GAREM1: variants seen among roughly 807,000 people sequenced by gnomAD.
GAREM1 encodes the protein GRB2-associated and regulator of MAPK protein 1.
A neutral mutation model predicts 71.3 loss-of-function variants in GAREM1; 26 were observed. That is an observed-to-expected ratio of 0.36 (90% CI 0.27 to 0.51). GAREM1 has a LOEUF of 0.51. Ranked by LOEUF, GAREM1 falls within the 20% of genes least tolerant of loss-of-function variation. The pLI is 0.95. For synonymous variants in GAREM1, 440 were observed against 433.2 expected (o/e 1.02, Z -0.20); for missense variants, 1,026 against 1,103.1 (o/e 0.93, Z 0.99).
At chr18:32,351,572 A>G (rs1567975299) in intron 2 of GAREM1, among the ~76,000 whole-genome samples, 1 of 152,216 alleles carries the variant, frequency 6.6e-6, no homozygotes, top group Non-Finnish European at 1.5e-5. Context: ...TTTAACCAAG[A>G]GAAGTATGTG....
intron 2 of GAREM1, among the ~76,000 whole-genome samples, chr18:32,354,719 G>A (rs2047788182): frequency 6.6e-6 from 1 of 152,226 alleles, no homozygotes. Context: ...CTGAGGTCAT[G>A]AAGCAGAGCA....
chr18:32,402,918 C>T (rs576145816), intron 1 of GAREM1, among the ~76,000 whole-genome samples: 1 of 151,972 alleles, frequency 6.6e-6, no homozygotes, highest in East Asian at 1.9e-4. Flanking sequence ...TCTTTTCTTT[C>T]CTTCTTTTTC....
intron 1 of GAREM1, 130 bp from the exon 2 acceptor site, chr18:32,393,165 G>A: frequency 4.6e-6 from 3 of 654,054 alleles, no homozygotes; most frequent in East Asian, 3.3e-5. Context: ...ATGAGATAAA[G>A]TTTACCTCTG....
At position 32,268,207 on chromosome 18, in the gene GAREM1, G is replaced by A; in HGVS notation, c.2295C>T (p.Asp765=). The A allele has an allele frequency of 1.2e-6, 2 of 1,614,070 alleles. No individual in the cohort carries two copies. The highest frequency in any genetic ancestry group is 1.6e-4 in the Middle Eastern group (1 of 6,062). The stretch of plus-strand genomic sequence containing the variant: ...GCATGCCCTTTTTAACAAAATACTG[G>A]TCCTCCGAGAGATCTGGTGACCCAG... The part of the protein sequence containing the change: ...PKSGSPDLSE[D]QYFVKKGMQD... Residue 765 remains aspartate, a synonymous_variant, in exon 6 of 6, where the codon GAC becomes GAT. Transcript: ENST00000269209.
chr18:32,334,230 C>T (rs2047566430), intron 2 of GAREM1, among the ~76,000 whole-genome samples: 1 of 151,868 alleles, frequency 6.6e-6, no homozygotes, highest in African/African-American at 2.4e-5. Flanking sequence ...TTAATCACAC[C>T]CCGAGGGGGG....
intron 1 of GAREM1, among the ~76,000 whole-genome samples, chr18:32,398,873 AT>A (rs1439785681): frequency 6.6e-6 from 1 of 152,194 alleles, no homozygotes; most frequent in Non-Finnish European, 1.5e-5. Context: ...AAAAAAGAGA[AT>A]TTTAGACCAA....
At chr18:32,314,411 A>T (rs2047355933) in intron 2 of GAREM1, among the ~76,000 whole-genome samples, 1 of 152,176 alleles carries the variant, frequency 6.6e-6, no homozygotes, top group Non-Finnish European at 1.5e-5. Flanking sequence ...GCAAGTTACA[A>T]ATCCACTTGA....
chr18:32,418,313 T>C (rs2048484132), intron 1 of GAREM1, among the ~76,000 whole-genome samples: 1 of 152,118 alleles, frequency 6.6e-6, no homozygotes, highest in Non-Finnish European at 1.5e-5. Context: ...ATGTCCATGG[T>C]GTCAAAGTCC....
intron 2 of GAREM1, among the ~76,000 whole-genome samples, chr18:32,324,441 T>C (rs984084398): frequency 6.6e-6 from 1 of 152,160 alleles, no homozygotes; most frequent in Non-Finnish European, 1.5e-5. Context: ...AAGCAGCTGC[T>C]TGAGCTGTGG....
At chr18:32,430,659 A>G (rs1464889059) in intron 1 of GAREM1, among the ~76,000 whole-genome samples, 2 of 152,248 alleles carry the variant, frequency 1.3e-5, no homozygotes, top group Admixed American at 6.5e-5. Context: ...AGAAGAGGAC[A>G]TGACTTTGAT....
chr18:32,428,629 C>T (rs1034522507), intron 1 of GAREM1, among the ~76,000 whole-genome samples: 3 of 152,204 alleles, frequency 2.0e-5, no homozygotes, highest in African/African-American at 7.2e-5. Flanking sequence ...CATATTGCTG[C>T]AGATCCGTGA....
intron 5 of GAREM1, 91 bp downstream of exon 5, chr18:32,270,126 C>T (rs2041435842): frequency 2.3e-6 from 3 of 1,308,156 alleles, no homozygotes; most frequent in Non-Finnish European, 3.2e-6. Flanking sequence ...ACCACCCTGC[C>T]TGTTAGGGCT....
Position 32,268,404 on chromosome 18 carries a change from T to C in GAREM1, c.2098A>G (p.Ser700Gly). The C allele has an allele frequency of 6.2e-7, 1 of 1,614,184 alleles. No homozygotes were observed. Among genetic ancestry groups the C allele is most frequent in the Non-Finnish European group, 8.5e-7 (1 of 1,180,012 alleles). ...ACATCTGTGCTCTCCAGAGAGTAGC[T>C]GGCTGACTTGGGACAACCAGAGACG... ...SSVSGCPKSA[S>G]YSLESTDVKS... Residue 700 changes from serine to glycine, a missense_variant, in exon 6 of 6, where the codon AGC becomes GGC. By Grantham distance (56) the Ser-to-Gly change is moderately conservative (BLOSUM62 0). Around this residue, in one of 3 missense-constraint regions of GAREM1, gnomAD observed 636 missense variants for 631.2 expected, o/e 1.01. Transcript: ENST00000269209.
chr18:32,360,233 T>A lies in GAREM1; in HGVS notation c.262+32662A>T, dbSNP rs559287974. ...GAAAAAAAAAATCCTGTTTAAAAAA[T>A]ATATATATATATCCTCTATTCTCTG... is the stretch of plus-strand genomic sequence containing the variant. On this transcript the variant is annotated intron_variant, in intron 2 of 5. Transcript: ENST00000269209. 1.4e-3 allele frequency among the ~76,000 whole-genome samples: 215 copies of A among 151,690 alleles called. 1 individual carries two copies. Among genetic ancestry groups the A allele is most frequent in the African/African-American group, 3.3e-3 (136 of 41,446 alleles).
At chr18:32,359,372 G>A (rs1029003902) in intron 2 of GAREM1, among the ~76,000 whole-genome samples, 6 of 151,988 alleles carry the variant, frequency 3.9e-5, no homozygotes, top group Non-Finnish European at 7.4e-5. Context: ...TTATCACACC[G>A]CATATACTCA....
intron 1 of GAREM1, among the ~76,000 whole-genome samples, chr18:32,465,192 C>CAAGATG (rs149463451): frequency 5.3e-5 from 8 of 152,160 alleles, no homozygotes; most frequent in Non-Finnish European, 1.0e-4. Flanking sequence ...AATGAAGCCA[C>CAAGATG]AAGATGAACA....
At chr18:32,444,819 T>C (rs780984681) in intron 1 of GAREM1, among the ~76,000 whole-genome samples, 2 of 152,196 alleles carry the variant, frequency 1.3e-5, no homozygotes, top group Non-Finnish European at 2.9e-5. Context: ...AATGCATATG[T>C]TCCTAAGGCA....
chr18:32,431,486 G>A (rs556841270), intron 1 of GAREM1, among the ~76,000 whole-genome samples: 13 of 152,218 alleles, frequency 8.5e-5, no homozygotes, highest in Middle Eastern at 3.4e-3. Context: ...AAATTAGCCA[G>A]GTGTGGTGGT....
intron 1 of GAREM1, among the ~76,000 whole-genome samples, chr18:32,405,192 T>C (rs2048354000): frequency 6.6e-6 from 1 of 152,118 alleles, no homozygotes; most frequent in African/African-American, 2.4e-5. Flanking sequence ...TCTTACAATT[T>C]TTTTTTTCTT....
Sources: allele counts gnomAD v4.1 joint callset (sites outside exome capture counted in the v4.1 genomes callset), GRCh38; gene constraint gnomAD v4.1.1; regional missense constraint gnomAD v4.1.1; transcripts MANE v1.5; gene names NCBI Gene and HGNC (gene_info 2026-07-23, HGNC 2026-07-21).